Variants in PCLO observed in about 807,000 individuals in gnomAD.
The protein encoded by PCLO is protein piccolo.
Under a neutral mutation model 427.5 loss-of-function variants are expected in PCLO, and 82 were observed. The observed-to-expected ratio is 0.19, with a 90% CI of 0.16 to 0.23. PCLO has a LOEUF of 0.23. Ranked by LOEUF, PCLO falls within the 10% of genes least tolerant of loss-of-function variation. The pLI is 1.00. For synonymous variants in PCLO, 2,357 were observed against 2,155.4 expected (o/e 1.09, Z -2.59); for missense variants, 6,239 against 6,115.9 (o/e 1.02, Z -0.67).
intron 6 of PCLO, among the ~76,000 whole-genome samples, chr7:82,930,972 G>A (rs1382182469): frequency 1.3e-5 from 2 of 152,140 alleles, no homozygotes; most frequent in Non-Finnish European, 2.9e-5. Flanking sequence ...ACTACAGACT[G>A]CATAGGATGG....
intron 22 of PCLO, among the ~76,000 whole-genome samples, chr7:82,790,302 A>G (rs553250950): frequency 1.3e-5 from 2 of 152,106 alleles, no homozygotes; most frequent in African/African-American, 4.8e-5. Context: ...ACAGCTTCAG[A>G]TATTTCATAA....
rs116537340 is a variant in PCLO at position 82,965,622 on chromosome 7, G to A, written c.4017+149C>T. 1,745 of 568,486 alleles carry A rather than the reference G, an allele frequency of 3.1e-3. 23 individuals carry two copies. Among genetic ancestry groups the A allele is most frequent in the African/African-American group, 0.029 (1,543 of 52,928 alleles). The allele number at this position is 568,486 out of a possible 1,614,324, so 35.2% of individuals were successfully genotyped here. A position where few individuals can be genotyped will look rare whatever the true frequency, so the allele number is the denominator to read the frequency against. On this transcript the variant is annotated intron_variant, in intron 4 of 24. Transcript: ENST00000333891. ...GAAAAGACCAAAGTTCTTCATTATA[G>A]TCAAACAAGTGTTATACTTCTTTAA...
At chr7:82,816,770 C>T (rs1791687449) in intron 20 of PCLO, among the ~76,000 whole-genome samples, 1 of 152,030 alleles carries the variant, frequency 6.6e-6, no homozygotes, top group African/African-American at 2.4e-5. Flanking sequence ...ATGAAATGAA[C>T]ATATAAATCC....
chr7:82,788,882 C>A (rs1299007900), intron 22 of PCLO, among the ~76,000 whole-genome samples: 4 of 151,020 alleles, frequency 2.6e-5, no homozygotes, highest in Non-Finnish European at 4.4e-5. Flanking sequence ...AATATTTCTG[C>A]AAAATAAATA....
chr7:82,899,243 C>T lies in PCLO; in HGVS notation c.13528+3408G>A, dbSNP rs570352771. On this transcript the variant is annotated intron_variant, in intron 9 of 24. Coordinates refer to ENST00000333891, the MANE Select transcript of PCLO (RefSeq NM_033026.6). Reference sequence around the variant, plus strand: ...AGCTAACAATAAATCCTTAATATTACCAAATATTTAGTCAATCAAAGTAGG... The same window carrying T: ...AGCTAACAATAAATCCTTAATATTATCAAATATTTAGTCAATCAAAGTAGG... Among the ~76,000 whole-genome samples the T allele has an allele frequency of 6.6e-5, 10 of 151,358 alleles. No homozygotes were observed. In the South Asian group the frequency reaches 1.7e-3, roughly 25 times the overall value.
At chr7:83,019,697 A>T (rs946668227) in intron 3 of PCLO, among the ~76,000 whole-genome samples, 1 of 152,016 alleles carries the variant, frequency 6.6e-6, no homozygotes, top group Non-Finnish European at 1.5e-5. Context: ...TGTAAACATC[A>T]TTTCTATGCA....
chr7:82,832,934 C>T (rs150139758), intron 16 of PCLO, among the ~76,000 whole-genome samples: 2 of 151,774 alleles, frequency 1.3e-5, no homozygotes, highest in South Asian at 2.1e-4. Context: ...TTTAATAGTG[C>T]GATGGTGTGC....
Position 82,756,410 on chromosome 7 carries a change from T to C in PCLO, c.*2165A>G, listed in dbSNP as rs545769194. On this transcript the variant is annotated 3_prime_UTR_variant, in exon 25 of 25. Transcript: ENST00000333891. Reference sequence around the variant, plus strand: ...CTTTGATGATTCCACTCTCCCATGCTCATTTGAGAGCAATGTCAATGGTAA... The same window carrying C: ...CTTTGATGATTCCACTCTCCCATGCCCATTTGAGAGCAATGTCAATGGTAA... The C allele has an allele frequency of 2.0e-5, 3 of 152,184 alleles. No homozygotes were observed. In the South Asian group the frequency reaches 6.2e-4, roughly 32 times the overall value. 9.4% of individuals were successfully genotyped at this position (152,184 alleles called of 1,614,324 possible). A position where few individuals can be genotyped will look rare whatever the true frequency, so the allele number is the denominator to read the frequency against.
At chr7:82,766,638 G>C (rs1460389007) in intron 22 of PCLO, among the ~76,000 whole-genome samples, 2 of 152,066 alleles carry the variant, frequency 1.3e-5, no homozygotes, top group Admixed American at 6.6e-5. Context: ...AAATAGAACA[G>C]CAAGACAAAT....
At chr7:82,800,462 T>C (rs7806943) in intron 22 of PCLO, among the ~76,000 whole-genome samples, 55,648 of 152,010 alleles carry the variant, frequency 0.37, 12,554 homozygotes, top group East Asian at 0.67. Context: ...TATATGTTAT[T>C]AGTTACCTCA....
rs528664448 is a variant in PCLO, at chr7:82,937,022, G to A, written c.11112+12454C>T. On this transcript the variant is annotated intron_variant, in intron 6 of 24. Coordinates refer to ENST00000333891, the MANE Select transcript of PCLO (RefSeq NM_033026.6). ...GGGAATGGAAAGTAATGGCTGAATG[G>A]GTATAGGATTTTATTTTGGCATGAT... Among the ~76,000 whole-genome samples the A allele has an allele frequency of 9.9e-5, 15 of 151,628 alleles. 1 individual carries two copies. The South Asian group carries it at 2.9e-3, about 29-fold the overall frequency.
At chr7:83,068,781 T>C (rs6959587) in intron 3 of PCLO, among the ~76,000 whole-genome samples, 120,575 of 152,088 alleles carry the variant, frequency 0.79, 48,731 homozygotes, top group African/African-American at 0.95. Flanking sequence ...GGGTATATAT[T>C]CAAAGGAAAT....
chr7:82,861,798 T>A (rs1226519359), intron 10 of PCLO, among the ~76,000 whole-genome samples: 3 of 151,946 alleles, frequency 2.0e-5, no homozygotes, highest in Non-Finnish European at 4.4e-5. Context: ...TACAATGAAA[T>A]AAATCTAGAA....
intron 3 of PCLO, among the ~76,000 whole-genome samples, chr7:83,009,728 G>T: frequency 6.6e-6 from 1 of 151,808 alleles, no homozygotes; most frequent in South Asian, 2.1e-4. Flanking sequence ...AATTAGATTA[G>T]AAAAATTTAT....
chr7:83,161,886 C>A (rs1306950703), intron 1 of PCLO, among the ~76,000 whole-genome samples: 1 of 152,142 alleles, frequency 6.6e-6, no homozygotes, highest in African/African-American at 2.4e-5. Flanking sequence ...AAATCACCTA[C>A]AAGGGGATTA....
At chr7:82,901,757 T>C (rs950889286) in intron 9 of PCLO, among the ~76,000 whole-genome samples, 13 of 151,994 alleles carry the variant, frequency 8.6e-5, no homozygotes, top group Non-Finnish European at 1.6e-4. Flanking sequence ...CATCAAAAAG[T>C]GGGCAAAGGA....
In PCLO at chr7:82,956,072, G is replaced by A; in HGVS notation, c.4881C>T (p.His1627=). ...TSIDEDAGRR[H]SWHDEDDEAF... is the part of the protein sequence containing the mutation. ...CTTCATCGTCTTCATCATGCCATGAGTGACGTCTTCCTGCATCTTCATCAA... is the reference window on the plus strand; with the variant it reads ...CTTCATCGTCTTCATCATGCCATGAATGACGTCTTCCTGCATCTTCATCAA... The change falls in exon 5 of 25, where the codon CAC becomes CAT. Residue 1627 remains histidine, a synonymous_variant. Transcript: ENST00000333891. 1.2e-6 allele frequency: 2 copies of A among 1,612,212 alleles called. No individual in the cohort carries two copies. Among genetic ancestry groups the A allele is most frequent in the South Asian group, 1.1e-5 (1 of 91,080 alleles).
chr7:82,767,659 A>G (rs1477782997), intron 22 of PCLO, among the ~76,000 whole-genome samples: 1 of 152,132 alleles, frequency 6.6e-6, no homozygotes, highest in African/African-American at 2.4e-5. Flanking sequence ...TTTTCTCAGA[A>G]AAAGTAAATT....
At position 82,952,938 on chromosome 7, in the gene PCLO, G is replaced by A; in HGVS notation, c.8015C>T (p.Thr2672Ile). 6.2e-7 allele frequency: 1 copy of A among 1,613,924 alleles called. No homozygotes were observed. The highest frequency in any genetic ancestry group is 8.5e-7 in the Non-Finnish European group (1 of 1,179,854). The change falls in exon 5 of 25, where the codon ACT becomes ATT. Residue 2672 changes from threonine to isoleucine, a missense_variant. By Grantham distance (89) the Thr-to-Ile change is moderately conservative. Around this residue, in one of 5 missense-constraint regions of PCLO, gnomAD observed 4,677 missense variants for 4,468.4 expected, o/e 1.05. Transcript: ENST00000333891. ...TGAAACCTCAGTCTTGGAAACTTCA[G>A]TAGTGAGAAACTGTGTAACTGATGT... ...APTSVTQFLT[T>I]EVSKTEVSAT...
Sources: allele counts gnomAD v4.1 joint callset (sites outside exome capture counted in the v4.1 genomes callset), GRCh38; gene constraint gnomAD v4.1.1; regional missense constraint gnomAD v4.1.1; transcripts MANE v1.5; gene names NCBI Gene and HGNC (gene_info 2026-07-23, HGNC 2026-07-21).